DCC: variants seen among roughly 807,000 people sequenced by gnomAD.
The protein encoded by DCC is DCC netrin 1 receptor.
DCC carries 58 observed loss-of-function variants against 172.5 expected under a neutral mutation model. That is an observed-to-expected ratio of 0.34 (90% CI 0.27 to 0.42). The LOEUF is 0.42. Ranked by LOEUF, DCC falls within the 10% of genes least tolerant of loss-of-function variation. The pLI, the probability that DCC is intolerant of heterozygous loss-of-function variation, is 1.00. For synonymous variants in DCC, 709 were observed against 644.5 expected (o/e 1.10, Z -1.52); for missense variants, 1,740 against 1,791.0 (o/e 0.97, Z 0.51).
intron 1 of DCC, among the ~76,000 whole-genome samples, chr18:52,444,718 TTTTC>T (rs541759642): frequency 6.6e-5 from 10 of 152,306 alleles, no homozygotes; most frequent in Non-Finnish European, 1.0e-4. Flanking sequence ...TCTAATTTTT[TTTTC>T]TTCTCAAGAA....
intron 3 of DCC, among the ~76,000 whole-genome samples, chr18:52,918,694 A>G (rs2040075608): frequency 6.6e-6 from 1 of 152,202 alleles, no homozygotes; most frequent in African/African-American, 2.4e-5. Context: ...ATTTAAAAAT[A>G]TAAATATACT....
intron 14 of DCC, among the ~76,000 whole-genome samples, chr18:53,336,009 T>TAGG (rs2057587609): frequency 6.6e-6 from 1 of 152,138 alleles, no homozygotes; most frequent in Non-Finnish European, 1.5e-5. Flanking sequence ...CCACAACACG[T>TAGG]AGGAATTGTG....
chr18:53,177,945 A>G (rs1197425944), intron 8 of DCC, among the ~76,000 whole-genome samples: 1 of 152,226 alleles, frequency 6.6e-6, no homozygotes, highest in African/African-American at 2.4e-5. Flanking sequence ...TTTCCCTGGC[A>G]GAAAAAGATA....
intron 2 of DCC, among the ~76,000 whole-genome samples, chr18:52,892,065 C>G (rs1021920959): frequency 6.6e-6 from 1 of 152,046 alleles, no homozygotes; most frequent in Non-Finnish European, 1.5e-5. Context: ...GCTTACAGCC[C>G]CAGGTTAATC....
At chr18:53,413,997 C>T (rs915536335) in intron 20 of DCC, among the ~76,000 whole-genome samples, 8 of 152,244 alleles carry the variant, frequency 5.3e-5, no homozygotes, top group South Asian at 4.1e-4. Context: ...AACTGCCTGT[C>T]AAAAGCATCT....
chr18:53,313,645 C>G (rs947320063), intron 13 of DCC, among the ~76,000 whole-genome samples: 17 of 152,186 alleles, frequency 1.1e-4, no homozygotes, highest in African/African-American at 4.1e-4. Context: ...ATAGAATCAT[C>G]AATTTTAACC....
intron 1 of DCC, among the ~76,000 whole-genome samples, chr18:52,633,906 C>T (rs2144885125): frequency 6.6e-6 from 1 of 152,330 alleles, no homozygotes; most frequent in East Asian, 1.9e-4. Flanking sequence ...GCTAGCACAG[C>T]CCCTGATTCT....
chr18:52,563,352 C>T (rs2033083408), intron 1 of DCC, among the ~76,000 whole-genome samples: 1 of 152,074 alleles, frequency 6.6e-6, no homozygotes, highest in African/African-American at 2.4e-5. Context: ...AGTATGAAAA[C>T]ATACACCATG....
chr18:53,342,839 T>G (rs1347560780), intron 15 of DCC, among the ~76,000 whole-genome samples: 1 of 147,584 alleles, frequency 6.8e-6, no homozygotes, highest in African/African-American at 2.4e-5. Flanking sequence ...TATTTGAATA[T>G]TCCTAAATAT....
intron 5 of DCC, among the ~76,000 whole-genome samples, chr18:53,039,880 C>G (rs183996554): frequency 6.4e-4 from 98 of 152,058 alleles, no homozygotes; most frequent in East Asian, 3.9e-3. Flanking sequence ...TATGTTCCTT[C>G]TTTTTCCTAC....
chr18:52,741,907 G>A (rs1383468285), intron 1 of DCC, among the ~76,000 whole-genome samples: 1 of 152,102 alleles, frequency 6.6e-6, no homozygotes, highest in Non-Finnish European at 1.5e-5. Flanking sequence ...AACCTCCAAT[G>A]TTATAGTATT....
rs1444629978 is a variant in DCC, at chr18:52,998,308, T to G, written c.986-64997T>G. On this transcript the variant is annotated intron_variant, in intron 5 of 28. Coordinates refer to ENST00000442544, the MANE Select transcript of DCC (RefSeq NM_005215.4). The stretch of plus-strand genomic sequence containing the variant: ...TCTCTCCATCCTCATCATCTGGGGT[T>G]GTTCCTAGCATATGGAAGACAGTAA... Among the ~76,000 whole-genome samples the G allele has an allele frequency of 2.6e-5, 4 of 152,150 alleles. No homozygotes were observed. In the East Asian group the frequency reaches 7.8e-4, roughly 30 times the overall value.
chr18:52,396,534 A>T, intron 1 of DCC, among the ~76,000 whole-genome samples: 1 of 152,172 alleles, frequency 6.6e-6, no homozygotes, highest in East Asian at 1.9e-4. Flanking sequence ...CCTGTGATTT[A>T]GTCCCGAGGT....
chr18:53,224,095 T>C (rs949692220), intron 12 of DCC, among the ~76,000 whole-genome samples: 1 of 152,140 alleles, frequency 6.6e-6, no homozygotes, highest in Admixed American at 6.6e-5. Flanking sequence ...TACATGGAAA[T>C]AGACTAATAA....
chr18:53,000,693 G>A (rs2041551906), intron 5 of DCC, among the ~76,000 whole-genome samples: 1 of 144,314 alleles, frequency 6.9e-6, no homozygotes, highest in African/African-American at 2.6e-5. Flanking sequence ...GTCACAGCCA[G>A]ACAAAAGTCA....
chr18:53,019,863 C>G (rs187981189), intron 5 of DCC, among the ~76,000 whole-genome samples: 74 of 152,160 alleles, frequency 4.9e-4, no homozygotes, highest in Middle Eastern at 3.4e-3. Flanking sequence ...ATTGTCTGAC[C>G]CTTTACAAAA....
chr18:53,404,960 T>C (rs1909567613), intron 19 of DCC, among the ~76,000 whole-genome samples: 1 of 152,034 alleles, frequency 6.6e-6, no homozygotes, highest in South Asian at 2.1e-4. Context: ...GGCTTATTTA[T>C]GAAAACAAAA....
At chr18:53,375,177 A>ATG (rs1354256536) in intron 15 of DCC, among the ~76,000 whole-genome samples, 9 of 152,202 alleles carry the variant, frequency 5.9e-5, no homozygotes, top group Non-Finnish European at 1.0e-4. Flanking sequence ...AAGTGCTCAT[A>ATG]AACAGGGACT....
intron 7 of DCC, among the ~76,000 whole-genome samples, chr18:53,107,541 G>GGAA (rs74180406): frequency 1.5e-5 from 2 of 137,552 alleles, no homozygotes; most frequent in Non-Finnish European, 3.1e-5. Context: ...AAAAAGGAAG[G>GGAA]AAAAAAAAAA....
Sources: allele counts gnomAD v4.1 joint callset (sites outside exome capture counted in the v4.1 genomes callset), GRCh38; gene constraint gnomAD v4.1.1; transcripts MANE v1.5; gene names NCBI Gene and HGNC (gene_info 2026-07-23, HGNC 2026-07-21).